Variants in BOLA3 observed in about 807,000 individuals in gnomAD.
BOLA3 encodes bolA-like protein 3.
A neutral mutation model predicts 14.5 loss-of-function variants in BOLA3; 8 were observed. The ratio of observed to expected loss-of-function variants is 0.55; its 90% CI spans 0.32 to 0.99. The LOEUF (loss-of-function observed/expected upper bound fraction) is 0.99, where lower values mean the gene tolerates loss of function less well. Among genes scored for constraint, BOLA3 ranks in the 50% least tolerant of loss-of-function variants. The pLI, the probability that BOLA3 is intolerant of heterozygous loss-of-function variation, is 0.04. For synonymous variants in BOLA3, 42 were observed against 45.7 expected (o/e 0.92, Z 0.33); for missense variants, 115 against 138.2 (o/e 0.83, Z 0.84).
At chr2:74,139,666 A>G (rs1692400926) in intron 3 of BOLA3, among the ~76,000 whole-genome samples, 1 of 152,194 alleles carries the variant, frequency 6.6e-6, no homozygotes. Flanking sequence ...AAAATTGCCT[A>G]TGACCAAGTC....
At chr2:74,135,750 A>G (rs567539492) in intron 3 of BOLA3, 92 bp from the exon 4 acceptor site, 3 of 992,170 alleles carry the variant, frequency 3.0e-6, no homozygotes, top group Non-Finnish European at 4.8e-6. Context: ...CTGCATCTGA[A>G]GGAGACTTTG....
intron 2 of BOLA3, among the ~76,000 whole-genome samples, chr2:74,144,298 C>T (rs1218150755): frequency 6.6e-6 from 1 of 152,230 alleles, no homozygotes; most frequent in African/African-American, 2.4e-5. Context: ...TGAGCCACTG[C>T]TCCAAAACCC....
intron 1 of BOLA3, chr2:74,145,539 G>T (rs1373022253): frequency 1.8e-6 from 1 of 561,022 alleles, no homozygotes; most frequent in Admixed American, 3.0e-5. Context: ...AACTCAATTT[G>T]ACTCCAGAGA....
intron 3 of BOLA3, among the ~76,000 whole-genome samples, chr2:74,138,572 G>A (rs2103642285): frequency 6.6e-6 from 1 of 152,344 alleles, no homozygotes; most frequent in African/African-American, 2.4e-5. Context: ...AAGCTCCCGT[G>A]ATTCACTGAG....
At chr2:74,145,787 T>A (rs1163560218) in intron 1 of BOLA3, 2 of 186,700 alleles carry the variant, frequency 1.1e-5, no homozygotes, top group African/African-American at 4.7e-5. Flanking sequence ...TAGGCCTGAT[T>A]AACATGTCTC....
intron 3 of BOLA3, among the ~76,000 whole-genome samples, chr2:74,139,554 C>T (rs1692399123): frequency 6.6e-6 from 1 of 152,328 alleles, no homozygotes; most frequent in Non-Finnish European, 1.5e-5. Flanking sequence ...GCTCCAGGTC[C>T]CGGCTCAGAC....
intron 3 of BOLA3, among the ~76,000 whole-genome samples, chr2:74,139,715 A>C (rs1226600852): frequency 6.6e-6 from 1 of 152,198 alleles, no homozygotes; most frequent in Non-Finnish European, 1.5e-5. Flanking sequence ...CTAAGAATGT[A>C]CTGTGGCCAG....
intron 3 of BOLA3, among the ~76,000 whole-genome samples, chr2:74,136,926 G>T (rs1316130874): frequency 6.6e-6 from 1 of 152,166 alleles, no homozygotes; most frequent in Non-Finnish European, 1.5e-5. Context: ...ATAGATATTT[G>T]GCCCCTGTAG....
In BOLA3 at chr2:74,146,268, C is replaced by T. The variant is rs142591364; in HGVS notation, c.55-965G>A. The T allele has an allele frequency of 4.3e-3, 662 of 152,412 alleles. 2 individuals are homozygous for T. The highest frequency in any genetic ancestry group is 7.8e-3 in the Non-Finnish European group (533 of 68,138). 9.4% of individuals were successfully genotyped at this position (152,412 alleles called of 1,614,324 possible). ...TCAACCTCCCAAAATTCTAGGATTA[C>T]AGGCATGAGCCACCACGCCCGGCCA... On this transcript the variant is annotated intron_variant, in intron 1 of 3. Coordinates refer to ENST00000327428, the MANE Select transcript of BOLA3 (RefSeq NM_212552.3).
chr2:74,137,466 CTTTG>C (rs547640624), intron 3 of BOLA3, among the ~76,000 whole-genome samples: 2 of 152,256 alleles, frequency 1.3e-5, no homozygotes, highest in Non-Finnish European at 2.9e-5. Flanking sequence ...AATTAATTCC[CTTTG>C]TTTGCTTATG....
rs373204680 is a variant in BOLA3, at chr2:74,143,817, G to C, written c.169+1372C>G. On this transcript the variant is annotated intron_variant, in intron 2 of 3. Coordinates refer to ENST00000327428, the MANE Select transcript of BOLA3 (RefSeq NM_212552.3). ...TTCTCCTGCCTCAGCCTCCTGAGTA[G>C]CTGGGATTACAGGTGCCTGCTACCA... Among the ~76,000 whole-genome samples the C allele has an allele frequency of 2.6e-5, 4 of 151,466 alleles. No homozygotes were observed. In the East Asian group the frequency reaches 5.8e-4, roughly 22 times the overall value.
At chr2:74,145,035 G>C (rs537814125) in intron 2 of BOLA3, among the ~76,000 whole-genome samples, 154 bp downstream of exon 2, 16 of 152,230 alleles carry the variant, frequency 1.1e-4, no homozygotes, top group Admixed American at 3.9e-4. Flanking sequence ...CATCCCATGA[G>C]GTGGGGGCAG....
At chr2:74,144,765 G>A (rs1692513820) in intron 2 of BOLA3, among the ~76,000 whole-genome samples, 1 of 152,156 alleles carries the variant, frequency 6.6e-6, no homozygotes, top group South Asian at 2.1e-4. Flanking sequence ...TGGCCTCTCT[G>A]GGCTCATTTC....
chr2:74,147,559 G>A, intron 1 of BOLA3: 1 of 556,194 alleles, frequency 1.8e-6, no homozygotes, highest in South Asian at 2.1e-5. Context: ...GACTGTTCAT[G>A]TGTCTGTCCG....
At chr2:74,144,608 G>T (rs1006292432) in intron 2 of BOLA3, among the ~76,000 whole-genome samples, 30 of 152,294 alleles carry the variant, frequency 2.0e-4, no homozygotes, top group Non-Finnish European at 2.6e-4. Flanking sequence ...CACACTGCCA[G>T]CCTGAACTTC....
chr2:74,143,557 C>T (rs1161786672), intron 2 of BOLA3, among the ~76,000 whole-genome samples: 1 of 152,182 alleles, frequency 6.6e-6, no homozygotes, highest in Non-Finnish European at 1.5e-5. Context: ...CAGGACTGCG[C>T]AGAGCCACAG....
intron 3 of BOLA3, among the ~76,000 whole-genome samples, chr2:74,141,969 T>A (rs542197691): frequency 3.9e-5 from 6 of 152,224 alleles, no homozygotes; most frequent in African/African-American, 1.4e-4. Context: ...ATGTATCTTT[T>A]AGCAGTGTCT....
chr2:74,147,680 AG>A, intron 1 of BOLA3, 140 bp downstream of exon 1: 1 of 747,492 alleles, frequency 1.3e-6, no homozygotes, highest in Non-Finnish European at 2.2e-6. Flanking sequence ...AATGAATGAG[AG>A]AAAGGAAGAG....
rs749569283 is a variant in BOLA3, at chr2:74,147,912, T to A, written c.-38A>T. The stretch of plus-strand genomic sequence containing the variant: ...TGACCCGCCGCCCGAGGTCACTGTA[T>A]GCCCGAAAGACGCGGAGCGGGGGAC... On this transcript the variant is annotated 5_prime_UTR_variant, in exon 1 of 4. Coordinates refer to ENST00000327428, the MANE Select transcript of BOLA3 (RefSeq NM_212552.3). The A allele has an allele frequency of 1.3e-6, 2 of 1,494,416 alleles. No individual in the cohort carries two copies. 92.6% of individuals were successfully genotyped at this position (1,494,416 alleles called of 1,614,324 possible).
Sources: allele counts gnomAD v4.1 joint callset (sites outside exome capture counted in the v4.1 genomes callset), GRCh38; gene constraint gnomAD v4.1.1; transcripts MANE v1.5; gene names NCBI Gene and HGNC (gene_info 2026-07-23, HGNC 2026-07-21).